TSHZ2: variants seen among roughly 807,000 people sequenced by gnomAD.
TSHZ2 encodes teashirt homolog 2.
In TSHZ2, 21 loss-of-function variants were observed where a neutral mutation model predicts 74.4. The ratio of observed to expected loss-of-function variants is 0.28; its 90% CI spans 0.20 to 0.41. The LOEUF is 0.41. Among genes scored for constraint, TSHZ2 ranks in the 10% least tolerant of loss-of-function variants. TSHZ2 has a pLI of 1.00. For synonymous variants in TSHZ2, 540 were observed against 515.3 expected, an observed-to-expected ratio of 1.05 and a Z score of -0.65; for missense variants, 1,244 against 1,293.5, an observed-to-expected ratio of 0.96 and a Z score of 0.59.
chr20:53,153,244 C>G (rs912691273), intron 1 of TSHZ2, among the ~76,000 whole-genome samples: 4 of 152,182 alleles, frequency 2.6e-5, no homozygotes, highest in Admixed American at 1.3e-4. Flanking sequence ...ATAAATGTCC[C>G]CAGCCTGGGA....
chr20:53,323,563 C>CTTTTTTTTTTTTTTTTTTTTTTT lies in TSHZ2; in HGVS notation c.*8+67002_*8+67024dup, dbSNP rs34687825. 1.1e-4 allele frequency among the ~76,000 whole-genome samples: 4 copies of CTTTTTTTTTTTTTTTTTTTTTTT among 36,662 alleles called. 1 individual carries two copies. Among genetic ancestry groups the CTTTTTTTTTTTTTTTTTTTTTTT allele is most frequent in the African/African-American group, 3.5e-4 (3 of 8,544 alleles). 24.1% of individuals were successfully genotyped at this position (36,662 alleles called of 152,430 possible). ...CACCCGTTTTCATTGCCTTGGAGGG[C>CTTTTTTTTTTTTTTTTTTTTTTT]TTTTTTTTTTTTTTTTTTTTTTTTT... On this transcript the variant is annotated intron_variant, in intron 2 of 2. Coordinates refer to ENST00000371497, the MANE Select transcript of TSHZ2 (RefSeq NM_173485.6).
intron 2 of TSHZ2, among the ~76,000 whole-genome samples, chr20:53,336,926 T>C (rs1979972487): frequency 1.3e-5 from 2 of 152,270 alleles, no homozygotes; most frequent in Non-Finnish European, 2.9e-5. Context: ...TATAATGTAT[T>C]ATATATATGA....
intron 1 of TSHZ2, among the ~76,000 whole-genome samples, chr20:53,034,168 G>A (rs1389217110): frequency 6.6e-6 from 1 of 152,180 alleles, no homozygotes; most frequent in Non-Finnish European, 1.5e-5. Context: ...ACAGAGACTT[G>A]TGGGAGCATG....
chr20:53,437,732 G>T (rs140019627), intron 2 of TSHZ2, among the ~76,000 whole-genome samples: 2 of 152,188 alleles, frequency 1.3e-5, no homozygotes, highest in Non-Finnish European at 2.9e-5. Flanking sequence ...TGGGTTATGG[G>T]GGCAGATACC....
Position 53,438,263 on chromosome 20 carries a change from C to T in TSHZ2, c.*9-48881C>T, listed in dbSNP as rs528678916. On this transcript the variant is annotated intron_variant, in intron 2 of 2. Coordinates refer to ENST00000371497, the MANE Select transcript of TSHZ2 (RefSeq NM_173485.6). ...TAGCTGGGACTACAGATGCCCGCCA[C>T]GACACCCCGCTAATTTTTTGTACTT... 6.6e-5 allele frequency among the ~76,000 whole-genome samples: 10 copies of T among 151,982 alleles called. No homozygotes were observed. In the South Asian group the frequency reaches 1.0e-3, roughly 16 times the overall value.
intron 1 of TSHZ2, among the ~76,000 whole-genome samples, chr20:53,138,405 A>C (rs1207194887): frequency 6.6e-6 from 1 of 151,858 alleles, no homozygotes; most frequent in Non-Finnish European, 1.5e-5. Context: ...AAAAAAAAAA[A>C]ACAATACTTC....
intron 1 of TSHZ2, among the ~76,000 whole-genome samples, chr20:53,160,899 T>C (rs112954699): frequency 1.2e-4 from 19 of 152,030 alleles, no homozygotes; most frequent in Non-Finnish European, 2.6e-4. Flanking sequence ...TTAATCTATT[T>C]CTTTATAAGG....
chr20:53,171,546 TG>T (rs1988200187), intron 1 of TSHZ2, among the ~76,000 whole-genome samples: 3 of 123,516 alleles, frequency 2.4e-5, no homozygotes, highest in East Asian at 2.6e-4. Context: ...ACCTTCTAAA[TG>T]TTTTTTTTTT....
At chr20:53,416,887 G>A (rs911662338) in intron 2 of TSHZ2, among the ~76,000 whole-genome samples, 5 of 152,170 alleles carry the variant, frequency 3.3e-5, no homozygotes, top group African/African-American at 1.2e-4. Context: ...CTCCCATTTG[G>A]TTCAATCCTT....
At chr20:53,364,720 T>G (rs1234198738) in intron 2 of TSHZ2, among the ~76,000 whole-genome samples, 2 of 152,196 alleles carry the variant, frequency 1.3e-5, no homozygotes, top group African/African-American at 4.8e-5. Context: ...GCTTGTGGAG[T>G]GCCGGGGCTT....
At chr20:53,129,147 A>G (rs1987031443) in intron 1 of TSHZ2, among the ~76,000 whole-genome samples, 1 of 152,216 alleles carries the variant, frequency 6.6e-6, no homozygotes, top group South Asian at 2.1e-4. Context: ...ACAATATCCA[A>G]TAATAAGGAA....
chr20:53,289,900 A>G (rs1282006859), intron 2 of TSHZ2, among the ~76,000 whole-genome samples: 1 of 152,256 alleles, frequency 6.6e-6, no homozygotes, highest in Non-Finnish European at 1.5e-5. Flanking sequence ...GGATCAAAAG[A>G]CAATGAAATC....
At chr20:53,403,505 G>A (rs1309276226) in intron 2 of TSHZ2, among the ~76,000 whole-genome samples, 1 of 152,080 alleles carries the variant, frequency 6.6e-6, no homozygotes, top group Non-Finnish European at 1.5e-5. Flanking sequence ...TAAGATAAAT[G>A]TCCACCAAGA....
At chr20:53,377,473 T>C (rs1360399001) in intron 2 of TSHZ2, among the ~76,000 whole-genome samples, 1 of 152,200 alleles carries the variant, frequency 6.6e-6, no homozygotes, top group Non-Finnish European at 1.5e-5. Flanking sequence ...GCAAACTCAT[T>C]CTTTAAAGGA....
At chr20:53,211,831 C>T (rs1989313310) in intron 1 of TSHZ2, among the ~76,000 whole-genome samples, 1 of 152,180 alleles carries the variant, frequency 6.6e-6, no homozygotes, top group African/African-American at 2.4e-5. Context: ...GTGTACCCGT[C>T]ACCCCAGAAG....
At chr20:53,479,575 A>C (rs1317822531) in intron 2 of TSHZ2, among the ~76,000 whole-genome samples, 1 of 152,260 alleles carries the variant, frequency 6.6e-6, no homozygotes, top group African/African-American at 2.4e-5. Context: ...AGCAAAATAC[A>C]GGTTCTCTTT....
At chr20:53,441,221 G>T (rs56105216) in intron 2 of TSHZ2, among the ~76,000 whole-genome samples, 20 of 125,814 alleles carry the variant, frequency 1.6e-4, no homozygotes, top group Non-Finnish European at 1.6e-5. Flanking sequence ...TTATTTATTT[G>T]TTTATTTTAT....
In TSHZ2 at chr20:53,488,199, C is replaced by T. The variant is rs1268074992; in HGVS notation, c.*1064C>T. On this transcript the variant is annotated 3_prime_UTR_variant, in exon 3 of 3. Transcript: ENST00000371497. ...CCCAATTTTAATTTGTGGAATATTC[C>T]CGTTAATAATGAGATCTAATTAAGA... The T allele has an allele frequency of 6.6e-6, 1 of 152,028 alleles. No homozygotes were observed. Among genetic ancestry groups the T allele is most frequent in the African/African-American group, 2.4e-5 (1 of 41,362 alleles). The allele number at this position is 152,028 out of a possible 1,614,324, so 9.4% of individuals were successfully genotyped here.
intron 2 of TSHZ2, among the ~76,000 whole-genome samples, chr20:53,432,855 A>T (rs182447022): frequency 2.0e-5 from 3 of 152,356 alleles, no homozygotes; most frequent in Non-Finnish European, 4.4e-5. Flanking sequence ...TGAATAAATC[A>T]AGATTTTCTT....
Sources: allele counts gnomAD v4.1 joint callset (sites outside exome capture counted in the v4.1 genomes callset), GRCh38; gene constraint gnomAD v4.1.1; transcripts MANE v1.5; gene names NCBI Gene and HGNC (gene_info 2026-07-23, HGNC 2026-07-21).